Variants in EXT2 observed in about 807,000 individuals in gnomAD.
The protein encoded by EXT2 is exostosin-2.
In EXT2, 53 loss-of-function variants were observed where a neutral mutation model predicts 81.6. The ratio of observed to expected loss-of-function variants is 0.65; its 90% confidence interval spans 0.52 to 0.82. The LOEUF (loss-of-function observed/expected upper bound fraction) is 0.82. Among genes scored for constraint, EXT2 ranks in the 40% least tolerant of loss-of-function variants. EXT2 has a pLI of 0.00. For missense variants in EXT2, 774 were observed against 910.2 expected, an observed-to-expected ratio of 0.85 and a Z score of 1.93; for synonymous variants, 320 against 340.0, an observed-to-expected ratio of 0.94 and a Z score of 0.65.
At chr11:44,128,487 C>T (rs926050469) in intron 6 of EXT2, among the ~76,000 whole-genome samples, 8 of 152,146 alleles carry the variant, frequency 5.3e-5, no homozygotes, top group Non-Finnish European at 1.2e-4. Context: ...AAGGCCAAAC[C>T]TTTTCTCAGG....
chr11:44,106,918 C>CGGTG (rs1954064093), intron 1 of EXT2, among the ~76,000 whole-genome samples: 1 of 152,160 alleles, frequency 6.6e-6, no homozygotes, highest in East Asian at 1.9e-4. Context: ...CGTGAGCCAC[C>CGGTG]GCACATGGCT....
In EXT2 at chr11:44,244,608, A is replaced by G. The variant is rs1356921483; in HGVS notation, c.*321A>G. On this transcript the variant is annotated 3_prime_UTR_variant, in exon 14 of 14. Transcript: ENST00000533608. ...CCTTTGTTTTCAGTTCCATGTAACAATCTGGAAGGAAACTTCACGGACAGG... is the reference window on the plus strand; with the variant it reads ...CCTTTGTTTTCAGTTCCATGTAACAGTCTGGAAGGAAACTTCACGGACAGG... The G allele has an allele frequency of 9.4e-6, 4 of 426,944 alleles. No homozygotes were observed. Among genetic ancestry groups the G allele is most frequent in the African/African-American group, 5.9e-5 (3 of 51,022 alleles). The allele number at this position is 426,944 out of a possible 1,614,324, so 26.4% of individuals were successfully genotyped here.
At chr11:44,109,333 G>A (rs1264396351) in intron 3 of EXT2, 50 bp downstream of exon 3, 1 of 1,468,138 alleles carries the variant, frequency 6.8e-7, no homozygotes, top group African/African-American at 1.4e-5. Context: ...AGATCATTTT[G>A]TTCATGTGAA....
intron 4 of EXT2, among the ~76,000 whole-genome samples, chr11:44,115,090 T>A (rs1310177068): frequency 1.3e-5 from 2 of 152,232 alleles, no homozygotes; most frequent in Non-Finnish European, 2.9e-5. Flanking sequence ...CATAGCAGCC[T>A]GCACGTCTCT....
At chr11:44,238,604 GC>G (rs1955998198) in intron 13 of EXT2, among the ~76,000 whole-genome samples, 1 of 152,194 alleles carries the variant, frequency 6.6e-6, no homozygotes, top group Non-Finnish European at 1.5e-5. Context: ...TTTGTGATGA[GC>G]GCCCTGAGAG....
intron 7 of EXT2, among the ~76,000 whole-genome samples, chr11:44,163,065 A>G (rs191873276): frequency 4.6e-5 from 7 of 152,188 alleles, no homozygotes; most frequent in Non-Finnish European, 8.8e-5. Context: ...CCCCAAGTTA[A>G]AGGGATATCA....
intron 10 of EXT2, among the ~76,000 whole-genome samples, chr11:44,217,076 A>G (rs926325189): frequency 6.6e-6 from 1 of 150,574 alleles, no homozygotes; most frequent in African/African-American, 2.5e-5. Flanking sequence ...CATTCATAGC[A>G]CCCCAGTCAG....
At chr11:44,244,012 C>T in intron 13 of EXT2, 137 bp from the exon 14 acceptor site, 1 of 845,246 alleles carries the variant, frequency 1.2e-6, no homozygotes, top group Non-Finnish European at 2.0e-6. Flanking sequence ...GCTACTTGAG[C>T]TTTTTTTGTT....
chr11:44,184,546 T>C (rs1451068438), intron 8 of EXT2, among the ~76,000 whole-genome samples: 1 of 152,072 alleles, frequency 6.6e-6, no homozygotes, highest in Admixed American at 6.5e-5. Flanking sequence ...GGTCAGGAGA[T>C]GGAGACCATC....
At chr11:44,131,886 C>T (rs959445595) in intron 7 of EXT2, among the ~76,000 whole-genome samples, 24 of 152,088 alleles carry the variant, frequency 1.6e-4, no homozygotes, top group African/African-American at 4.1e-4. Context: ...TACAGGCACG[C>T]GCCACCATGC....
intron 6 of EXT2, among the ~76,000 whole-genome samples, chr11:44,127,494 G>T (rs1954425606): frequency 1.3e-5 from 2 of 152,308 alleles, no homozygotes; most frequent in African/African-American, 2.4e-5. Flanking sequence ...CTCCTTATGA[G>T]AATTTAACTA....
At chr11:44,114,431 C>G in intron 4 of EXT2, 130 bp downstream of exon 4, 2 of 800,420 alleles carry the variant, frequency 2.5e-6, no homozygotes, top group Admixed American at 3.4e-5. Flanking sequence ...CACTGAGGCA[C>G]CCATCTTTCC....
chr11:44,235,662 C>T (rs998029741), intron 12 of EXT2, among the ~76,000 whole-genome samples: 26 of 152,168 alleles, frequency 1.7e-4, no homozygotes, highest in Non-Finnish European at 3.5e-4. Context: ...AGCTTTCTTT[C>T]CCTTCCATCT....
intron 1 of EXT2, among the ~76,000 whole-genome samples, chr11:44,097,516 G>A (rs111703555): frequency 2.6e-5 from 4 of 152,092 alleles, no homozygotes; most frequent in Admixed American, 6.5e-5. Context: ...GAGGCCAGGC[G>A]CGGTGGCTCA....
intron 10 of EXT2, among the ~76,000 whole-genome samples, chr11:44,207,249 T>C (rs1170754409): frequency 1.3e-5 from 2 of 152,222 alleles, no homozygotes; most frequent in Non-Finnish European, 2.9e-5. Context: ...AACAAGCACT[T>C]AATTGATGTC....
intron 7 of EXT2, 24 bp from the exon 8 acceptor site, chr11:44,171,587 A>G: frequency 1.2e-6 from 2 of 1,614,144 alleles, no homozygotes; most frequent in Non-Finnish European, 1.7e-6. Flanking sequence ...TTGCTCACTT[A>G]AAACAGCATT....
intron 10 of EXT2, among the ~76,000 whole-genome samples, chr11:44,223,012 G>C (rs1955798798): frequency 2.0e-5 from 3 of 152,316 alleles, no homozygotes; most frequent in Non-Finnish European, 4.4e-5. Context: ...GGATATACAG[G>C]TGGCAAATAA....
At chr11:44,138,749 G>C (rs536219135) in intron 7 of EXT2, among the ~76,000 whole-genome samples, 24 of 152,294 alleles carry the variant, frequency 1.6e-4, no homozygotes, top group African/African-American at 5.8e-4. Context: ...GGAGAGACTT[G>C]AATTTGAGTC....
In EXT2 at chr11:44,148,769, G is replaced by A. The variant is rs936299114; in HGVS notation, c.1173+18631G>A. Among the ~76,000 whole-genome samples, 3 of 152,270 alleles carry A rather than the reference G, an allele frequency of 2.0e-5. No individual in the cohort carries two copies. In the East Asian group the frequency reaches 5.8e-4, roughly 29 times the overall value. ...ACAGACACAAATCTCTGCCTGCTTGGAAGCTACATTCCTCTGGTGGGAACA... is the reference window on the plus strand; with the variant it reads ...ACAGACACAAATCTCTGCCTGCTTGAAAGCTACATTCCTCTGGTGGGAACA... On this transcript the variant is annotated intron_variant, in intron 7 of 13. Coordinates refer to ENST00000533608, the MANE Select transcript of EXT2 (RefSeq NM_207122.2).
Sources: allele counts gnomAD v4.1 joint callset (sites outside exome capture counted in the v4.1 genomes callset), GRCh38; gene constraint gnomAD v4.1.1; transcripts MANE v1.5; gene names NCBI Gene and HGNC (gene_info 2026-07-23, HGNC 2026-07-21).